INSC: variants seen among roughly 807,000 people sequenced by gnomAD.
INSC encodes INSC spindle orientation adaptor protein.
A neutral mutation model predicts 58.6 loss-of-function variants in INSC; 67 were observed. The ratio of observed to expected loss-of-function variants is 1.14; its 90% CI spans 0.94 to 1.40. The LOEUF (loss-of-function observed/expected upper bound fraction) is 1.40, where lower values mean the gene tolerates loss of function less well. Among genes scored for constraint, INSC ranks in the 40% most tolerant of loss-of-function variants. The pLI, the probability that INSC is intolerant of heterozygous loss-of-function variation, is 0.00. For missense variants in INSC, 714 were observed against 692.0 expected, an observed-to-expected ratio of 1.03 and a Z score of -0.36; for synonymous variants, 262 against 276.1, an observed-to-expected ratio of 0.95 and a Z score of 0.51.
intron 9 of INSC, among the ~76,000 whole-genome samples, chr11:15,226,163 G>C (rs1008811111): frequency 7.9e-5 from 12 of 152,094 alleles, no homozygotes; most frequent in Admixed American, 2.6e-4. Context: ...CTCAATCTCT[G>C]TTCAGATTGC....
At chr11:15,245,816 ACT>A in intron 12 of INSC, 94 bp from the exon 13 acceptor site, 1 of 1,472,714 alleles carries the variant, frequency 6.8e-7, no homozygotes, top group Admixed American at 2.0e-5. Context: ...TAAATGCACC[ACT>A]TTCTGAAATG....
intron 9 of INSC, among the ~76,000 whole-genome samples, chr11:15,228,979 CTA>C (rs1313651642): frequency 6.6e-6 from 1 of 152,114 alleles, no homozygotes; most frequent in Non-Finnish European, 1.5e-5. Flanking sequence ...CTGAATAGTC[CTA>C]TGTTTTCATG....
intron 5 of INSC, among the ~76,000 whole-genome samples, chr11:15,178,718 C>A (rs1334977576): frequency 2.0e-5 from 3 of 152,172 alleles, no homozygotes; most frequent in Admixed American, 1.3e-4. Context: ...GGTCACACAG[C>A]AAGATGGTGG....
chr11:15,206,800 T>C (rs758455828), intron 7 of INSC, among the ~76,000 whole-genome samples: 6 of 152,208 alleles, frequency 3.9e-5, no homozygotes, highest in East Asian at 3.9e-4. Flanking sequence ...GCTATGGTGA[T>C]GCAATGAAGC....
intron 1 of INSC, among the ~76,000 whole-genome samples, chr11:15,146,388 G>A (rs1848492160): frequency 6.6e-6 from 1 of 152,196 alleles, no homozygotes; most frequent in East Asian, 1.9e-4. Flanking sequence ...GGGGCAAAGA[G>A]GCAGCCAATA....
At chr11:15,201,838 G>A (rs1057515397) in intron 7 of INSC, among the ~76,000 whole-genome samples, 1 of 152,130 alleles carries the variant, frequency 6.6e-6, no homozygotes, top group Non-Finnish European at 1.5e-5. Context: ...GTCTAAATGG[G>A]GACAGGGGCC....
intron 11 of INSC, 122 bp downstream of exon 11, chr11:15,239,196 C>T (rs1305924836): frequency 1.6e-6 from 2 of 1,239,316 alleles, no homozygotes; most frequent in Non-Finnish European, 1.1e-6. Flanking sequence ...AGCCCTGTCT[C>T]TGGGGGCTCA....
chr11:15,259,015 G>A, the INSC span, among the ~76,000 whole-genome samples: 42 of 152,162 alleles, frequency 2.8e-4, no homozygotes, highest in Non-Finnish European at 5.1e-4. Flanking sequence ...TGTTCTTTGT[G>A]TAGCAGGAAA....
chr11:15,255,375 A>G, the INSC span, among the ~76,000 whole-genome samples: 2 of 152,218 alleles, frequency 1.3e-5, no homozygotes, highest in African/African-American at 4.8e-5. Flanking sequence ...TGAGAATAAA[A>G]TATAACTTAA....
rs1215461080 is a variant in INSC, at chr11:15,246,852, A to G, written c.*812A>G. On this transcript the variant is annotated 3_prime_UTR_variant, in exon 13 of 13. Coordinates refer to ENST00000379556, the MANE Select transcript of INSC (RefSeq NM_001042536.3). Reference sequence around the variant, plus strand: ...TATACTTGAAAGCAGTGGTGTGCTGAAGCCAGCTCATGCCCACTCACAAGG... The same window carrying G: ...TATACTTGAAAGCAGTGGTGTGCTGGAGCCAGCTCATGCCCACTCACAAGG... The G allele has an allele frequency of 6.6e-6, 1 of 152,186 alleles. No homozygotes were observed. Among genetic ancestry groups the G allele is most frequent in the East Asian group, 1.9e-4 (1 of 5,186 alleles). The allele number at this position is 152,186 out of a possible 1,614,324, so 9.4% of individuals were successfully genotyped here.
At chr11:15,207,429 A>G (rs1378839094) in intron 7 of INSC, among the ~76,000 whole-genome samples, 5 of 152,216 alleles carry the variant, frequency 3.3e-5, no homozygotes, top group Non-Finnish European at 7.3e-5. Flanking sequence ...CTCAATTTCA[A>G]GTCCAAGAAG....
At chr11:15,150,920 G>C (rs2133753475) in intron 2 of INSC, among the ~76,000 whole-genome samples, 1 of 152,336 alleles carries the variant, frequency 6.6e-6, no homozygotes, top group African/African-American at 2.4e-5. Flanking sequence ...CTGTGACCTT[G>C]AGTGGCTGTT....
intron 12 of INSC, 65 bp downstream of exon 12, chr11:15,240,588 G>A: frequency 1.5e-6 from 2 of 1,372,898 alleles, no homozygotes; most frequent in Admixed American, 1.9e-5. Flanking sequence ...GGGGCCAGGA[G>A]AACCGGCTGT....
chr11:15,255,732 GTGTA>G, the INSC span, among the ~76,000 whole-genome samples: 24 of 121,164 alleles, frequency 2.0e-4, no homozygotes, highest in African/African-American at 6.7e-4. Context: ...ATGTAAGTGT[GTGTA>G]TGTGTGTGTG....
chr11:15,265,061 T>C, the INSC span, among the ~76,000 whole-genome samples: 5 of 152,090 alleles, frequency 3.3e-5, no homozygotes, highest in African/African-American at 1.2e-4. Context: ...AGGTCTGAAA[T>C]GCAACAAGGA....
At chr11:15,267,379 G>A in the INSC span, among the ~76,000 whole-genome samples, 1 of 151,812 alleles carries the variant, frequency 6.6e-6, no homozygotes, top group East Asian at 1.9e-4. Flanking sequence ...ATGCCTATTG[G>A]GCTGAATGAA....
intron 7 of INSC, among the ~76,000 whole-genome samples, chr11:15,211,717 A>G (rs1851031842): frequency 6.6e-6 from 1 of 152,172 alleles, no homozygotes; most frequent in South Asian, 2.1e-4. Flanking sequence ...AATGGTGTTC[A>G]AGGTCAATTT....
intron 8 of INSC, among the ~76,000 whole-genome samples, chr11:15,222,586 C>T (rs1184789345): frequency 2.6e-5 from 4 of 152,042 alleles, no homozygotes; most frequent in South Asian, 2.1e-4. Flanking sequence ...TGTGAGATCC[C>T]GCCACTCACT....
intron 7 of INSC, among the ~76,000 whole-genome samples, chr11:15,206,065 C>T (rs923132204): frequency 1.3e-5 from 2 of 152,234 alleles, no homozygotes; most frequent in Admixed American, 6.5e-5. Context: ...TCCTAAGCTT[C>T]AGGACATCTG....
Sources: allele counts gnomAD v4.1 joint callset (sites outside exome capture counted in the v4.1 genomes callset), GRCh38; gene constraint gnomAD v4.1.1; transcripts MANE v1.5; gene names NCBI Gene and HGNC (gene_info 2026-07-23, HGNC 2026-07-21).